The following TMEM132D variants were observed in gnomAD, a reference collection of about 807,000 sequenced individuals.
TMEM132D encodes the protein transmembrane protein 132D, also known as mature OL transmembrane protein.
A neutral mutation model predicts 62.3 loss-of-function variants in TMEM132D; 21 were observed. The observed-to-expected ratio is 0.34, with a 90% CI of 0.24 to 0.49. TMEM132D has a LOEUF of 0.49. Ranked by LOEUF, TMEM132D falls within the 20% of genes least tolerant of loss-of-function variation. The probability of loss-of-function intolerance (pLI) is 0.99; values close to 1 mark genes in which losing one functional copy is unlikely to be tolerated. For synonymous variants in TMEM132D, 621 were observed against 575.6 expected, an observed-to-expected ratio of 1.08 and a Z score of -1.13; for missense variants, 1,346 against 1,402.8, an observed-to-expected ratio of 0.96 and a Z score of 0.65.
rs1232817564 is a variant in TMEM132D, at chr12:129,576,003, T to C, written c.969-44798A>G. On this transcript the variant is annotated intron_variant, in intron 2 of 8. Coordinates refer to ENST00000422113, the MANE Select transcript of TMEM132D (RefSeq NM_133448.3). ...TTTAGCCGGGATGGTCTCGATCTCCTGACCTCGTGATCCACCCGCCTCGGC... is the reference window on the plus strand; with the variant it reads ...TTTAGCCGGGATGGTCTCGATCTCCCGACCTCGTGATCCACCCGCCTCGGC... Among the ~76,000 whole-genome samples the C allele has an allele frequency of 8.4e-4, 4 of 4,780 alleles. 2 individuals are homozygous for C. Among genetic ancestry groups the C allele is most frequent in the Non-Finnish European group, 2.1e-3 (4 of 1,888 alleles). 3.1% of individuals were successfully genotyped at this position (4,780 alleles called of 152,430 possible).
intron 3 of TMEM132D, among the ~76,000 whole-genome samples, chr12:129,387,602 C>T (rs1357675796): frequency 1.3e-5 from 2 of 152,042 alleles, no homozygotes; most frequent in Admixed American, 1.3e-4. Flanking sequence ...GGCAATATAA[C>T]ACTAACACTA....
intron 1 of TMEM132D, among the ~76,000 whole-genome samples, chr12:129,833,438 A>C (rs1031528999): frequency 2.6e-5 from 4 of 151,870 alleles, no homozygotes; most frequent in African/African-American, 9.7e-5. Flanking sequence ...CCATCCCTAC[A>C]AAAAAATGAA....
At chr12:129,613,391 GCAAA>G (rs1878828966) in intron 2 of TMEM132D, among the ~76,000 whole-genome samples, 1 of 152,182 alleles carries the variant, frequency 6.6e-6, no homozygotes, top group Non-Finnish European at 1.5e-5. Flanking sequence ...CCATCCTCAT[GCAAA>G]CAGAGAATGA....
chr12:129,425,491 A>T (rs1872469298), intron 3 of TMEM132D, among the ~76,000 whole-genome samples: 2 of 151,668 alleles, frequency 1.3e-5, no homozygotes, highest in Non-Finnish European at 2.9e-5. Context: ...AATTGACATG[A>T]CTGGCTTAAT....
At chr12:129,547,863 G>A (rs977208304) in intron 2 of TMEM132D, among the ~76,000 whole-genome samples, 1 of 152,190 alleles carries the variant, frequency 6.6e-6, no homozygotes, top group Admixed American at 6.5e-5. Flanking sequence ...CAGAGAGGTT[G>A]AGTAGCTTGC....
At chr12:129,198,650 C>T (rs779943160) in intron 5 of TMEM132D, among the ~76,000 whole-genome samples, 10 of 152,140 alleles carry the variant, frequency 6.6e-5, no homozygotes, top group African/African-American at 2.4e-4. Flanking sequence ...TCACTACAGA[C>T]GTTGAGGCTT....
At position 129,176,380 on chromosome 12, in the gene TMEM132D, G is replaced by A. The variant is rs115214814; in HGVS notation, c.1443+33140C>T. Among the ~76,000 whole-genome samples the A allele has an allele frequency of 3.1e-3, 477 of 152,356 alleles. 3 individuals carry two copies. Among genetic ancestry groups the A allele is most frequent in the African/African-American group, 0.011 (443 of 41,586 alleles). ...CACCATACTGTTTAGAAGAGCAGGT[G>A]TAATTATTTCACTGAAGAACAGAGG... On this transcript the variant is annotated intron_variant, in intron 5 of 8. Transcript: ENST00000422113.
In TMEM132D at chr12:129,873,862, T is replaced by C. The variant is rs1874330836; in HGVS notation, c.79+29399A>G. Among the ~76,000 whole-genome samples the C allele has an allele frequency of 2.0e-5, 3 of 152,220 alleles. No individual in the cohort carries two copies. The South Asian group carries it at 6.2e-4, about 32-fold the overall frequency. ...TATTCTAGGCTGAACTGAGAATTCA[T>C]GAGACGATAAATTTTAAAAATGTAA... is the stretch of plus-strand genomic sequence containing the variant. On this transcript the variant is annotated intron_variant, in intron 1 of 8. Coordinates refer to ENST00000422113, the MANE Select transcript of TMEM132D (RefSeq NM_133448.3).
chr12:129,625,837 G>C (rs780709448), intron 2 of TMEM132D, among the ~76,000 whole-genome samples: 50 of 152,228 alleles, frequency 3.3e-4, no homozygotes, highest in Admixed American at 7.9e-4. Flanking sequence ...CCACTCAGAG[G>C]GGGTATGTGT....
chr12:129,333,544 T>C (rs969466721), intron 4 of TMEM132D, among the ~76,000 whole-genome samples: 2 of 152,196 alleles, frequency 1.3e-5, no homozygotes, highest in Non-Finnish European at 1.5e-5. Context: ...ATCCAATGCA[T>C]TGGGAAGTCT....
chr12:129,269,679 A>G (rs1278840730), intron 4 of TMEM132D, among the ~76,000 whole-genome samples: 1 of 149,796 alleles, frequency 6.7e-6, no homozygotes, highest in Non-Finnish European at 1.5e-5. Flanking sequence ...TTCTCACTTA[A>G]CAAAACCCCC....
chr12:129,903,472 G>C lies in TMEM132D; in HGVS notation c.-133C>G, dbSNP rs1875440796. 1 of 911,084 alleles carries C rather than the reference G, an allele frequency of 1.1e-6. No homozygotes were observed. Among genetic ancestry groups the C allele is most frequent in the African/African-American group, 1.7e-5 (1 of 59,580 alleles). 56.4% of individuals were successfully genotyped at this position (911,084 alleles called of 1,614,324 possible). On this transcript the variant is annotated 5_prime_UTR_variant, in exon 1 of 9. Coordinates refer to ENST00000422113, the MANE Select transcript of TMEM132D (RefSeq NM_133448.3). This position sits in a 1 kb window ranked among gnomAD's most constrained non-coding sequence, Gnocchi z 6.2. Reference sequence around the variant, plus strand: ...CCCGGCTAGGGGCCCGAGCAGCCCGGGCGCCCTGCTCCCTCTTCCCGCCAG... The same window carrying C: ...CCCGGCTAGGGGCCCGAGCAGCCCGCGCGCCCTGCTCCCTCTTCCCGCCAG...
At chr12:129,217,801 A>G (rs1243384224) in intron 4 of TMEM132D, among the ~76,000 whole-genome samples, 2 of 152,218 alleles carry the variant, frequency 1.3e-5, no homozygotes, top group African/African-American at 2.4e-5. Flanking sequence ...TGCGTTACAT[A>G]TTGAGACATT....
At chr12:129,427,348 C>T (rs1251457816) in intron 3 of TMEM132D, among the ~76,000 whole-genome samples, 3 of 147,542 alleles carry the variant, frequency 2.0e-5, no homozygotes, top group Admixed American at 1.4e-4. Context: ...TAGGTGGAAA[C>T]TGAACAATGA....
At chr12:129,861,067 T>C (rs538931415) in intron 1 of TMEM132D, among the ~76,000 whole-genome samples, 6 of 152,364 alleles carry the variant, frequency 3.9e-5, no homozygotes, top group Admixed American at 3.9e-4. Context: ...CACTATGTTA[T>C]GTTTTTAACC....
intron 1 of TMEM132D, among the ~76,000 whole-genome samples, chr12:129,734,761 CTA>C (rs1447400241): frequency 6.6e-6 from 1 of 152,062 alleles, no homozygotes; most frequent in Non-Finnish European, 1.5e-5. Flanking sequence ...GGGTTAAACT[CTA>C]AAGTATTGGA....
At position 129,818,620 on chromosome 12, in the gene TMEM132D, G is replaced by C. The variant is rs566649897; in HGVS notation, c.79+84641C>G. Among the ~76,000 whole-genome samples, 41 of 151,778 alleles carry C rather than the reference G, an allele frequency of 2.7e-4. No homozygotes were observed. In the South Asian group the frequency reaches 7.7e-3, roughly 28 times the overall value. On this transcript the variant is annotated intron_variant, in intron 1 of 8. Coordinates refer to ENST00000422113, the MANE Select transcript of TMEM132D (RefSeq NM_133448.3). Reference sequence around the variant, plus strand: ...GTGTGTGTGTATATGTGTGTGTGTGGTGTAGGGGGTGTGTTTATGTAAATA... The same window carrying C: ...GTGTGTGTGTATATGTGTGTGTGTGCTGTAGGGGGTGTGTTTATGTAAATA...
intron 5 of TMEM132D, among the ~76,000 whole-genome samples, chr12:129,157,653 T>A (rs751803959): frequency 1.3e-5 from 2 of 152,210 alleles, no homozygotes; most frequent in Non-Finnish European, 1.5e-5. Context: ...TAGCTGATAA[T>A]AATTTTAGCC....
intron 3 of TMEM132D, among the ~76,000 whole-genome samples, chr12:129,412,354 T>G (rs1871990695): frequency 6.6e-6 from 1 of 152,194 alleles, no homozygotes; most frequent in Non-Finnish European, 1.5e-5. Context: ...TAAATGAACA[T>G]TAATTTTGTT....
Sources: allele counts gnomAD v4.1 joint callset (sites outside exome capture counted in the v4.1 genomes callset), GRCh38; gene constraint gnomAD v4.1.1; non-coding constraint Gnocchi (gnomAD v3.1); transcripts MANE v1.5; gene names NCBI Gene and HGNC (gene_info 2026-07-23, HGNC 2026-07-21).